Variants in OCA2 observed in about 807,000 individuals in gnomAD.
OCA2 encodes OCA2 melanosomal transmembrane protein.
OCA2 carries 77 observed loss-of-function variants against 100.2 expected under a neutral mutation model. The observed-to-expected ratio is 0.77, with a 90% CI of 0.64 to 0.93. OCA2 has a LOEUF of 0.93. Among genes scored for constraint, OCA2 ranks in the 40% least tolerant of loss-of-function variants. The pLI is 0.00. For synonymous variants in OCA2, 432 were observed against 439.2 expected, an observed-to-expected ratio of 0.98 and a Z score of 0.21; for missense variants, 1,062 against 1,089.1, an observed-to-expected ratio of 0.98 and a Z score of 0.35.
intron 18 of OCA2, among the ~76,000 whole-genome samples, chr15:27,931,994 C>G (rs2039268498): frequency 6.6e-6 from 1 of 152,210 alleles, no homozygotes; most frequent in African/African-American, 2.4e-5. Flanking sequence ...TTAAGGGATA[C>G]AGATGGGAAT....
At chr15:28,037,688 C>T (rs993754682) in intron 2 of OCA2, among the ~76,000 whole-genome samples, 3 of 152,174 alleles carry the variant, frequency 2.0e-5, no homozygotes, top group Non-Finnish European at 4.4e-5. Context: ...TCTCATTTAA[C>T]CTTCATGATA....
chr15:27,849,604 A>T (rs1402439537), intron 22 of OCA2, among the ~76,000 whole-genome samples: 1 of 151,978 alleles, frequency 6.6e-6, no homozygotes, highest in Non-Finnish European at 1.5e-5. Context: ...AGCAAATGAC[A>T]TTTCTAAAAC....
intron 23 of OCA2, among the ~76,000 whole-genome samples, chr15:27,807,547 G>A (rs1008410566): frequency 6.6e-6 from 1 of 152,110 alleles, no homozygotes; most frequent in Non-Finnish European, 1.5e-5. Flanking sequence ...CAGACAACCC[G>A]TGCTGCCTTC....
intron 21 of OCA2, among the ~76,000 whole-genome samples, chr15:27,864,033 T>G (rs1424617220): frequency 6.6e-6 from 1 of 152,094 alleles, no homozygotes; most frequent in Non-Finnish European, 1.5e-5. Context: ...CTGTGGACCA[T>G]GGAAGATGGG....
At chr15:27,930,206 A>G (rs552850412) in intron 18 of OCA2, among the ~76,000 whole-genome samples, 1 of 152,206 alleles carries the variant, frequency 6.6e-6, no homozygotes, top group Non-Finnish European at 1.5e-5. Context: ...CTGTAGTCTT[A>G]GTTTTGATGG....
chr15:27,968,136 T>C (rs1290635652), intron 14 of OCA2, among the ~76,000 whole-genome samples: 2 of 152,374 alleles, frequency 1.3e-5, no homozygotes. Context: ...AGCAGCGTCA[T>C]TGGTTGGTTC....
chr15:28,049,552 A>G (rs1439384693), intron 2 of OCA2, among the ~76,000 whole-genome samples: 1 of 152,236 alleles, frequency 6.6e-6, no homozygotes, highest in Non-Finnish European at 1.5e-5. Context: ...AATAGCCAAA[A>G]TGTGGAAACA....
intron 21 of OCA2, among the ~76,000 whole-genome samples, chr15:27,870,297 G>C (rs1203057871): frequency 2.0e-5 from 3 of 152,254 alleles, no homozygotes; most frequent in Admixed American, 6.5e-5. Flanking sequence ...TCCTGCCATG[G>C]GGAGTGCTCA....
chr15:28,093,219 C>T (rs1003402078), intron 1 of OCA2, among the ~76,000 whole-genome samples: 15 of 152,002 alleles, frequency 9.9e-5, no homozygotes, highest in Admixed American at 2.6e-4. Flanking sequence ...GTCAGGAGTT[C>T]GAAACCAGCC....
chr15:27,768,427 CGACTA>C (rs1256564699), intron 23 of OCA2, among the ~76,000 whole-genome samples: 1 of 152,164 alleles, frequency 6.6e-6, no homozygotes. Flanking sequence ...ACTGTGTTCC[CGACTA>C]GCCGCCTCAC....
At position 28,042,195 on chromosome 15, in the gene OCA2, C is replaced by T. The variant is rs147436731; in HGVS notation, c.228-10032G>A. 8.7e-4 allele frequency among the ~76,000 whole-genome samples: 133 copies of T among 152,042 alleles called. 1 individual carries two copies. The East Asian group carries it at 0.017, about 19-fold the overall frequency. ...AAATTTGCACAGTAAATAAATGATA[C>T]AGGGAAGGATAGAAAATAGGAATTC... is the stretch of plus-strand genomic sequence containing the variant. On this transcript the variant is annotated intron_variant, in intron 2 of 23. Coordinates refer to ENST00000354638, the MANE Select transcript of OCA2 (RefSeq NM_000275.3).
Position 27,755,181 on chromosome 15 carries a change from G to A in OCA2, c.*207C>T, listed in dbSNP as rs759428753. On this transcript the variant is annotated 3_prime_UTR_variant, in exon 24 of 24. Coordinates refer to ENST00000354638, the MANE Select transcript of OCA2 (RefSeq NM_000275.3). The stretch of plus-strand genomic sequence containing the variant: ...CATCTTTCTACATTTTGTCCTTGGG[G>A]AGAAAGGACACACAGAGGAGGTCAT... The A allele has an allele frequency of 5.4e-6, 3 of 551,372 alleles. No homozygotes were observed. Among genetic ancestry groups the A allele is most frequent in the East Asian group, 3.2e-5 (1 of 30,982 alleles). 34.2% of individuals were successfully genotyped at this position (551,372 alleles called of 1,614,324 possible).
At chr15:27,814,503 G>T (rs1008426137) in intron 23 of OCA2, among the ~76,000 whole-genome samples, 4 of 152,146 alleles carry the variant, frequency 2.6e-5, no homozygotes, top group South Asian at 2.1e-4. Context: ...TAAAGTATGA[G>T]GTACTTAAAA....
intron 21 of OCA2, among the ~76,000 whole-genome samples, chr15:27,854,288 C>A (rs1040449317): frequency 6.6e-6 from 1 of 152,174 alleles, no homozygotes; most frequent in Non-Finnish European, 1.5e-5. Context: ...AGGGTCCGCC[C>A]AGCCCCAGCG....
intron 14 of OCA2, among the ~76,000 whole-genome samples, chr15:27,971,356 A>T (rs543716255): frequency 6.6e-6 from 1 of 152,312 alleles, no homozygotes; most frequent in South Asian, 2.1e-4. Context: ...ATTATTTTAA[A>T]GATAGTTGAA....
chr15:27,931,094 A>G (rs2039232016), intron 18 of OCA2, among the ~76,000 whole-genome samples: 1 of 152,162 alleles, frequency 6.6e-6, no homozygotes, highest in Admixed American at 6.5e-5. Flanking sequence ...CCACCAAAAG[A>G]TAAAGGAGTT....
At chr15:27,993,105 C>T (rs1338045958) in intron 9 of OCA2, among the ~76,000 whole-genome samples, 1 of 152,196 alleles carries the variant, frequency 6.6e-6, no homozygotes, top group Non-Finnish European at 1.5e-5. Context: ...GCCTGGGCAA[C>T]AGAGCGAGAC....
intron 9 of OCA2, among the ~76,000 whole-genome samples, chr15:28,002,462 T>G (rs1595798280): frequency 6.6e-6 from 1 of 152,248 alleles, no homozygotes; most frequent in African/African-American, 2.4e-5. Context: ...GGGCAGAGAA[T>G]GCCCACTCGG....
intron 23 of OCA2, among the ~76,000 whole-genome samples, chr15:27,764,913 C>G (rs1324448412): frequency 6.6e-6 from 1 of 152,190 alleles, no homozygotes; most frequent in East Asian, 1.9e-4. Context: ...GCAGCTTGGG[C>G]TGCTGGACTA....
Sources: allele counts gnomAD v4.1 joint callset (sites outside exome capture counted in the v4.1 genomes callset), GRCh38; gene constraint gnomAD v4.1.1; transcripts MANE v1.5; gene names NCBI Gene and HGNC (gene_info 2026-07-23, HGNC 2026-07-21).